Variants in FHOD3 observed in about 807,000 individuals in gnomAD.
FHOD3 encodes formin homology 2 domain containing 3, also known as FH1/FH2 domain-containing protein 3.
Under a neutral mutation model 173.0 loss-of-function variants are expected in FHOD3, and 90 were observed. The ratio of observed to expected loss-of-function variants is 0.52; its 90% CI spans 0.44 to 0.62. FHOD3 has a LOEUF of 0.62. Ranked by LOEUF, FHOD3 falls within the 20% of genes least tolerant of loss-of-function variation. FHOD3 has a pLI of 0.00. For missense variants in FHOD3, 1,945 were observed against 2,034.7 expected (o/e 0.96, Z 0.85); for synonymous variants, 828 against 823.0 (o/e 1.01, Z -0.10).
chr18:36,753,091 GGAAT>G (rs2042474685), intron 24 of FHOD3, among the ~76,000 whole-genome samples: 1 of 152,138 alleles, frequency 6.6e-6, no homozygotes, highest in Non-Finnish European at 1.5e-5. Flanking sequence ...AGAGACCTGT[GGAAT>G]GAGTGAGAGC....
At position 36,760,700 on chromosome 18, in the gene FHOD3, G is replaced by A. The variant is rs1471830922; in HGVS notation, c.4542G>A (p.Lys1514=). ...AEDAAEHENM[K]AVLKTSSPSV... ...ACGCGGCTGAGCACGAGAACATGAA[G>A]GCTGTGCTGAAAACCTCGTCCCCCT... Residue 1514 remains lysine (K), a synonymous_variant, in exon 27 of 29, where the codon AAG becomes AAA. Transcript: ENST00000590592. 1.2e-6 allele frequency: 2 copies of A among 1,613,320 alleles called. No homozygotes were observed. Among genetic ancestry groups the A allele is most frequent in the Admixed American group, 1.7e-5 (1 of 60,032 alleles).
intron 1 of FHOD3, among the ~76,000 whole-genome samples, chr18:36,336,315 G>A (rs993707325): frequency 6.6e-6 from 1 of 152,098 alleles, no homozygotes; most frequent in African/African-American, 2.4e-5. Context: ...AAAGCACTTG[G>A]ACCATTTCTG....
intron 3 of FHOD3, among the ~76,000 whole-genome samples, chr18:36,471,553 A>T (rs1201274968): frequency 6.6e-6 from 1 of 152,158 alleles, no homozygotes; most frequent in Middle Eastern, 3.2e-3. Flanking sequence ...GGCAATTAGG[A>T]TCAGAACAAT....
At chr18:36,695,082 C>T (rs1343532215) in intron 17 of FHOD3, among the ~76,000 whole-genome samples, 1 of 151,658 alleles carries the variant, frequency 6.6e-6, no homozygotes, top group Admixed American at 6.6e-5. Flanking sequence ...GTGGCTCTTG[C>T]GTGTAATCCC....
At chr18:36,394,674 A>G (rs1326290662) in intron 3 of FHOD3, among the ~76,000 whole-genome samples, 1 of 152,226 alleles carries the variant, frequency 6.6e-6, no homozygotes, top group African/African-American at 2.4e-5. Flanking sequence ...TTAGTGGTAG[A>G]GCAAGATGTT....
At chr18:36,301,771 T>G (rs1318193967) in intron 1 of FHOD3, among the ~76,000 whole-genome samples, 1 of 152,268 alleles carries the variant, frequency 6.6e-6, no homozygotes, top group Non-Finnish European at 1.5e-5. Context: ...ATCTAAGGAT[T>G]CTTTTTTCAC....
intron 3 of FHOD3, among the ~76,000 whole-genome samples, chr18:36,430,979 C>A (rs563490546): frequency 1.1e-4 from 16 of 151,786 alleles, no homozygotes; most frequent in Admixed American, 3.9e-4. Context: ...CAACTTCAAG[C>A]GATACAAAGC....
At chr18:36,486,399 G>C (rs1325506303) in intron 3 of FHOD3, among the ~76,000 whole-genome samples, 1 of 152,170 alleles carries the variant, frequency 6.6e-6, no homozygotes, top group African/African-American at 2.4e-5. Context: ...GTCTTGCTCT[G>C]TCTCCCAGCC....
In FHOD3 at chr18:36,625,542, C is replaced by T; in HGVS notation, c.989C>T (p.Thr330Ile). ...CTCAGGCACGAGGATGGCGATGAGA[C>T]CACGGAGCCACCCCCCAGTGGGTGC... ...VALRHEDGDE[T>I]TEPPPSGCRD... The change falls in exon 10 of 29, where the codon ACC becomes ATC. Residue 330 changes from threonine to isoleucine, a missense_variant. Transcript: ENST00000590592. 6.7e-7 allele frequency: 1 copy of T among 1,488,926 alleles called. No individual in the cohort carries two copies. 92.2% of individuals were successfully genotyped at this position (1,488,926 alleles called of 1,614,324 possible).
At chr18:36,776,022 G>C (rs2043622991) in intron 28 of FHOD3, among the ~76,000 whole-genome samples, 2 of 152,160 alleles carry the variant, frequency 1.3e-5, no homozygotes, top group African/African-American at 4.8e-5. Flanking sequence ...GTCGGGAGAG[G>C]CCCAGGTGTC....
At chr18:36,607,590 A>G (rs2032219107) in intron 8 of FHOD3, among the ~76,000 whole-genome samples, 1 of 151,860 alleles carries the variant, frequency 6.6e-6, no homozygotes, top group South Asian at 2.1e-4. Flanking sequence ...ATGCTTTTTT[A>G]CTCTTTACAT....
intron 3 of FHOD3, among the ~76,000 whole-genome samples, chr18:36,495,768 T>C (rs561634567): frequency 2.0e-5 from 3 of 152,108 alleles, no homozygotes; most frequent in Non-Finnish European, 4.4e-5. Context: ...CACCCACATA[T>C]ACACGTGGGA....
Position 36,595,230 on chromosome 18 carries a change from T to A in FHOD3, c.718+332T>A, listed in dbSNP as rs1455325859. Among the ~76,000 whole-genome samples, 9 of 151,954 alleles carry A rather than the reference T, an allele frequency of 5.9e-5. 1 individual carries two copies. In the South Asian group the frequency reaches 1.3e-3, roughly 21 times the overall value. ...CTTGTTCAGGGTTTCCCTGGCTCCT[T>A]CCTCCCCTCCCCTCTACGCTTCATT... On this transcript the variant is annotated intron_variant, in intron 7 of 28. Transcript: ENST00000590592.
At chr18:36,335,489 C>A (rs909211704) in intron 1 of FHOD3, among the ~76,000 whole-genome samples, 3 of 138,190 alleles carry the variant, frequency 2.2e-5, no homozygotes, top group East Asian at 2.0e-4. Context: ...AGCGAGACTC[C>A]GTCTAAAAAA....
chr18:36,762,961 TTATA>T (rs2042950276), intron 27 of FHOD3, among the ~76,000 whole-genome samples: 1 of 114,662 alleles, frequency 8.7e-6, no homozygotes, highest in Non-Finnish European at 2.0e-5. Context: ...ATTATATACG[TTATA>T]TATGCGTATT....
intron 3 of FHOD3, among the ~76,000 whole-genome samples, chr18:36,450,686 G>T (rs1356473854): frequency 6.6e-6 from 1 of 151,752 alleles, no homozygotes; most frequent in Non-Finnish European, 1.5e-5. Flanking sequence ...CCAGCTACTT[G>T]GGAAACTGAG....
intron 1 of FHOD3, among the ~76,000 whole-genome samples, chr18:36,316,173 T>C (rs904441469): frequency 6.6e-6 from 1 of 151,902 alleles, no homozygotes; most frequent in Non-Finnish European, 1.5e-5. Flanking sequence ...AAGCAGAACG[T>C]ACCAGCTCCA....
intron 5 of FHOD3, among the ~76,000 whole-genome samples, chr18:36,569,688 CAAAAT>C (rs2058387921): frequency 6.6e-6 from 1 of 152,026 alleles, no homozygotes; most frequent in African/African-American, 2.4e-5. Flanking sequence ...TCATGGGTCA[CAAAAT>C]AAACCATAAC....
At chr18:36,495,545 G>A (rs1252433154) in intron 3 of FHOD3, among the ~76,000 whole-genome samples, 1 of 152,186 alleles carries the variant, frequency 6.6e-6, no homozygotes, top group African/African-American at 2.4e-5. Context: ...GTAGTCTACA[G>A]CCCCCTTCTG....
Sources: allele counts gnomAD v4.1 joint callset (sites outside exome capture counted in the v4.1 genomes callset), GRCh38; gene constraint gnomAD v4.1.1; transcripts MANE v1.5; gene names NCBI Gene and HGNC (gene_info 2026-07-23, HGNC 2026-07-21).